The following SLC25A21 variants were observed in gnomAD, a reference collection of about 807,000 sequenced individuals.
SLC25A21 encodes the protein mitochondrial 2-oxodicarboxylate carrier.
SLC25A21 carries 47 observed loss-of-function variants against 43.8 expected under a neutral mutation model. The observed-to-expected ratio is 1.07, with a 90% CI of 0.85 to 1.37. The LOEUF (loss-of-function observed/expected upper bound fraction) is 1.37, where lower values mean the gene tolerates loss of function less well. Ranked by LOEUF, SLC25A21 falls within the 40% of genes most tolerant of loss-of-function variation. The pLI is 0.00. For missense variants in SLC25A21, 352 were observed against 350.2 expected (o/e 1.00, Z -0.04); for synonymous variants, 131 against 121.3 (o/e 1.08, Z -0.52).
chr14:37,087,679 A>G (rs1962510918), intron 1 of SLC25A21, among the ~76,000 whole-genome samples: 1 of 152,208 alleles, frequency 6.6e-6, no homozygotes, highest in Admixed American at 6.5e-5. Flanking sequence ...TCTTTGGTAA[A>G]TAGACCTCAC....
chr14:36,951,050 G>C (rs1892798142), intron 1 of SLC25A21, among the ~76,000 whole-genome samples: 1 of 152,024 alleles, frequency 6.6e-6, no homozygotes, highest in African/African-American at 2.4e-5. Flanking sequence ...TAACTCTCCA[G>C]AAGAAAAACA....
At chr14:36,751,579 CT>C (rs1386964764) in intron 3 of SLC25A21, among the ~76,000 whole-genome samples, 1 of 152,198 alleles carries the variant, frequency 6.6e-6, no homozygotes, top group African/African-American at 2.4e-5. Context: ...GTCTGGGGCT[CT>C]TTTTCCCCAA....
chr14:36,789,831 AT>A (rs1332210823), intron 3 of SLC25A21, among the ~76,000 whole-genome samples: 7 of 101,374 alleles, frequency 6.9e-5, no homozygotes, highest in African/African-American at 2.2e-4. Flanking sequence ...TATTTTATAT[AT>A]TTATATTTAA....
At chr14:36,879,842 G>A (rs1594663002) in intron 1 of SLC25A21, among the ~76,000 whole-genome samples, 1 of 151,034 alleles carries the variant, frequency 6.6e-6, no homozygotes, top group Non-Finnish European at 1.5e-5. Flanking sequence ...TACAAACATT[G>A]TCACACAATG....
intron 1 of SLC25A21, among the ~76,000 whole-genome samples, chr14:36,906,600 G>T (rs1331456084): frequency 6.6e-6 from 1 of 151,822 alleles, no homozygotes; most frequent in East Asian, 1.9e-4. Flanking sequence ...CTGACTGCCT[G>T]GTTCAAGCTA....
rs73262609 is a variant in SLC25A21 at position 36,685,575 on chromosome 14, A to G, written c.604-650T>C. Among the ~76,000 whole-genome samples the G allele has an allele frequency of 2.3e-3, 346 of 152,320 alleles. 1 individual carries two copies. The highest frequency in any genetic ancestry group is 0.01 in the Middle Eastern group (3 of 294). The stretch of plus-strand genomic sequence containing the variant: ...GGAGTAATTGGCTGAAGAATTTACA[A>G]TCCATTGTTTTGGAATCTTGTTCTT... On this transcript the variant is annotated intron_variant, in intron 7 of 9. Coordinates refer to ENST00000331299, the MANE Select transcript of SLC25A21 (RefSeq NM_030631.4).
rs555283170 is a variant in SLC25A21 at position 36,796,348 on chromosome 14, A to AATTT, written c.203+17566_203+17569dup. On this transcript the variant is annotated intron_variant, in intron 3 of 9. Coordinates refer to ENST00000331299, the MANE Select transcript of SLC25A21 (RefSeq NM_030631.4). ...CAGTAAATAAAAAAGACAGTATGGT[A>AATTT]ATTTATTTATTTATTTATTTATTTA... 2.9e-3 allele frequency among the ~76,000 whole-genome samples: 446 copies of AATTT among 151,378 alleles called. 3 individuals carry two copies. The highest frequency in any genetic ancestry group is 7.6e-3 in the African/African-American group (313 of 40,934).
At chr14:36,870,227 G>C (rs777287211) in intron 2 of SLC25A21, among the ~76,000 whole-genome samples, 4 of 152,268 alleles carry the variant, frequency 2.6e-5, no homozygotes, top group Non-Finnish European at 5.9e-5. Context: ...AATTAAGAAT[G>C]AGTGATGTAT....
At chr14:37,147,244 C>T (rs1458936168) in intron 1 of SLC25A21, among the ~76,000 whole-genome samples, 1 of 152,206 alleles carries the variant, frequency 6.6e-6, no homozygotes, top group Non-Finnish European at 1.5e-5. Flanking sequence ...ACTTTAAGGA[C>T]TTACATTTCA....
intron 1 of SLC25A21, among the ~76,000 whole-genome samples, chr14:36,982,178 T>A (rs755325086): frequency 6.6e-6 from 1 of 152,216 alleles, no homozygotes; most frequent in South Asian, 2.1e-4. Flanking sequence ...GATTTCAGAA[T>A]AGAATCAAAC....
intron 1 of SLC25A21, among the ~76,000 whole-genome samples, chr14:37,008,734 C>A (rs373014794): frequency 1.3e-4 from 20 of 151,876 alleles, no homozygotes; most frequent in East Asian, 9.6e-4. Flanking sequence ...TGATTAAATG[C>A]TGATTTTTTG....
chr14:36,700,686 GATATGCC>G (rs1409719009), intron 7 of SLC25A21, among the ~76,000 whole-genome samples: 1 of 152,108 alleles, frequency 6.6e-6, no homozygotes, highest in Non-Finnish European at 1.5e-5. Context: ...AAAGAAAAGG[GATATGCC>G]ATGTCACCCT....
intron 1 of SLC25A21, among the ~76,000 whole-genome samples, chr14:36,938,467 C>A (rs1892480336): frequency 6.6e-6 from 1 of 152,132 alleles, no homozygotes; most frequent in Non-Finnish European, 1.5e-5. Context: ...CTTAGCAGAG[C>A]AGCAGGTTTG....
At chr14:36,958,237 AG>A (rs1389330031) in intron 1 of SLC25A21, among the ~76,000 whole-genome samples, 1 of 152,186 alleles carries the variant, frequency 6.6e-6, no homozygotes, top group African/African-American at 2.4e-5. Context: ...GAGCACAAAT[AG>A]GTAATCATAC....
intron 2 of SLC25A21, among the ~76,000 whole-genome samples, chr14:36,825,643 G>T (rs117198530): frequency 6.6e-6 from 1 of 152,146 alleles, no homozygotes; most frequent in African/African-American, 2.4e-5. Flanking sequence ...CAGCTTTTAC[G>T]CAAATGTTAA....
chr14:36,804,754 G>A (rs548176855), intron 3 of SLC25A21, among the ~76,000 whole-genome samples: 4 of 152,268 alleles, frequency 2.6e-5, no homozygotes, highest in East Asian at 3.9e-4. Context: ...CCTTGTCTAC[G>A]TCAAATCATG....
chr14:36,980,753 G>C (rs978754459), intron 1 of SLC25A21, among the ~76,000 whole-genome samples: 2 of 152,156 alleles, frequency 1.3e-5, no homozygotes, highest in Non-Finnish European at 2.9e-5. Flanking sequence ...AGAAAACCTA[G>C]GCAATACCAT....
chr14:36,924,725 C>T (rs10140890), intron 1 of SLC25A21, among the ~76,000 whole-genome samples: 72,603 of 151,904 alleles, frequency 0.48, 20,044 homozygotes, highest in Non-Finnish European at 0.61. Context: ...AAAACTAATA[C>T]AGTATAACAA....
intron 7 of SLC25A21, among the ~76,000 whole-genome samples, chr14:36,694,698 A>T (rs1432162007): frequency 6.6e-6 from 1 of 152,218 alleles, no homozygotes; most frequent in Non-Finnish European, 1.5e-5. Context: ...TGTTGGCTGC[A>T]TAAATGTCTT....
Sources: gnomAD v4.1 joint callset for allele counts (sites outside exome capture counted in the v4.1 genomes callset) on GRCh38, gnomAD v4.1.1 for gene constraint, MANE v1.5 for transcripts, NCBI Gene and HGNC (gene_info 2026-07-23, HGNC 2026-07-21) for gene names.